Variants in ABHD17A observed in about 807,000 individuals in gnomAD.
The protein encoded by ABHD17A is alpha/beta hydrolase domain-containing protein 17A.
ABHD17A carries 10 observed loss-of-function variants against 26.8 expected under a neutral mutation model. The ratio of observed to expected loss-of-function variants is 0.37; its 90% CI spans 0.23 to 0.63. The LOEUF (loss-of-function observed/expected upper bound fraction) is 0.63, where lower values mean the gene tolerates loss of function less well. Ranked by LOEUF, ABHD17A falls within the 30% of genes least tolerant of loss-of-function variation. ABHD17A has a pLI of 0.61. For missense variants in ABHD17A, 292 were observed against 457.3 expected, an observed-to-expected ratio of 0.64 and a Z score of 3.30; for synonymous variants, 167 against 210.9, an observed-to-expected ratio of 0.79 and a Z score of 1.80.
intron 1 of ABHD17A, among the ~76,000 whole-genome samples, chr19:1,883,980 G>A (rs924664703): frequency 1.3e-5 from 2 of 151,898 alleles, no homozygotes; most frequent in African/African-American, 2.4e-5. Context: ...AAGCCAAATT[G>A]CCCCTTCCTG....
intron 2 of ABHD17A, 30 bp downstream of exon 2, chr19:1,881,205 C>A (rs770596670): frequency 6.2e-7 from 1 of 1,609,780 alleles, no homozygotes; most frequent in East Asian, 2.2e-5. Context: ...AACAGGGTGA[C>A]CCAGCCCAGG....
chr19:1,880,979 G>A lies in ABHD17A; in HGVS notation c.332+256C>T, dbSNP rs761180095. Reference sequence around the variant, plus strand: ...CCAGCAGGCAACCACCAGGCGCTGGGTTGTTGGAGTCGCCCAGCCTGCCCA... The same window carrying A: ...CCAGCAGGCAACCACCAGGCGCTGGATTGTTGGAGTCGCCCAGCCTGCCCA... On this transcript the variant is annotated intron_variant, in intron 2 of 4. Coordinates refer to ENST00000292577, the MANE Select transcript of ABHD17A (RefSeq NM_001130111.2). The surrounding 1 kb of genome is among the most constrained non-coding windows in gnomAD (Gnocchi z 4.1). 6.2e-6 allele frequency: 10 copies of A among 1,612,366 alleles called. No homozygotes were observed. The highest frequency in any genetic ancestry group is 8.5e-6 in the Non-Finnish European group (10 of 1,179,588).
intron 1 of ABHD17A, among the ~76,000 whole-genome samples, chr19:1,884,115 C>A (rs140453200): frequency 3.6e-4 from 55 of 152,310 alleles, no homozygotes; most frequent in Middle Eastern, 3.4e-3. Context: ...GGACCCCTTA[C>A]ACGCTCTTTC....
Position 1,880,632 on chromosome 19 carries a change from A to G in ABHD17A, c.333-517T>C, listed in dbSNP as rs1044709245. On this transcript the variant is annotated intron_variant, in intron 2 of 4. Transcript: ENST00000292577. The surrounding 1 kb of genome is among the most constrained non-coding windows in gnomAD (Gnocchi z 4.1). ...CACTGTTGGGGCACAACTGGACCCC[A>G]CCCCTGCCCCCAACAAGCAAATGCG... is the stretch of plus-strand genomic sequence containing the variant. Among the ~76,000 whole-genome samples, 25 of 151,594 alleles carry G rather than the reference A, an allele frequency of 1.6e-4. No individual in the cohort carries two copies. The highest frequency in any genetic ancestry group is 6.8e-3 in the Middle Eastern group (2 of 294).
In ABHD17A at chr19:1,880,679, T is replaced by C. The variant is rs1310196713; in HGVS notation, c.332+556A>G. Among the ~76,000 whole-genome samples, 2 of 152,116 alleles carry C rather than the reference T, an allele frequency of 1.3e-5. No individual in the cohort carries two copies. The highest frequency in any genetic ancestry group is 2.9e-5 in the Non-Finnish European group (2 of 68,016). On this transcript the variant is annotated intron_variant, in intron 2 of 4. Transcript: ENST00000292577. The surrounding 1 kb of genome is among the most constrained non-coding windows in gnomAD (Gnocchi z 4.1). ...TGCGGCCAATCTCTGCTCACACTCA[T>C]GCAGCCCCTCCTGGCCCACCACCCT...
At chr19:1,881,148 C>A in intron 2 of ABHD17A, 87 bp downstream of exon 2, 2 of 1,569,766 alleles carry the variant, frequency 1.3e-6, no homozygotes, top group South Asian at 1.2e-5. Context: ...CCCTCGGGGG[C>A]ACCACCAACC....
At position 1,880,187 on chromosome 19, in the gene ABHD17A, G is replaced by T. The variant is rs2145391800; in HGVS notation, c.333-72C>A. 6 of 1,543,502 alleles carry T rather than the reference G, an allele frequency of 3.9e-6. No homozygotes were observed. The highest frequency in any genetic ancestry group is 5.3e-6 in the Non-Finnish European group (6 of 1,130,618). ...CAGCTGCAGGGCAGGAGGATGCGTA[G>T]TGACAGCCCACCCCGGTGGCCAGCC... is the stretch of plus-strand genomic sequence containing the variant. On this transcript the variant is annotated intron_variant, in intron 2 of 4. Transcript: ENST00000292577. The surrounding 1 kb of genome is among the most constrained non-coding windows in gnomAD (Gnocchi z 4.1).
At position 1,876,964 on chromosome 19, in the gene ABHD17A, G is replaced by A. The variant is rs1002621982; in HGVS notation, c.*236C>T. 7.2e-6 allele frequency: 4 copies of A among 555,058 alleles called. No homozygotes were observed. The highest frequency in any genetic ancestry group is 1.3e-5 in the Non-Finnish European group (4 of 310,514). The allele number at this position is 555,058 out of a possible 1,614,324, so 34.4% of individuals were successfully genotyped here. On this transcript the variant is annotated 3_prime_UTR_variant, in exon 5 of 5. Transcript: ENST00000292577. ...AGAGTGAGCAGAGCCATGAAAGGAA[G>A]GAGAGCAGCCCTAAAATTTTAAATC...
chr19:1,883,649 T>A (rs989069880), intron 1 of ABHD17A: 2 of 152,472 alleles, frequency 1.3e-5, no homozygotes, highest in Non-Finnish European at 2.9e-5. Context: ...AGCCGGTCCA[T>A]CACCAGCCCG....
intron 1 of ABHD17A, chr19:1,883,293 C>T (rs2012591265): frequency 6.6e-6 from 1 of 152,288 alleles, no homozygotes; most frequent in Non-Finnish European, 1.5e-5. Context: ...TGGGTGTCAC[C>T]ACTGGGGACT....
Position 1,881,685 on chromosome 19 carries a change from C to A in ABHD17A, c.-119G>T. 2.2e-6 allele frequency: 3 copies of A among 1,357,720 alleles called. No homozygotes were observed. The highest frequency in any genetic ancestry group is 2.8e-6 in the Non-Finnish European group (3 of 1,054,210). The allele number at this position is 1,357,720 out of a possible 1,614,324, so 84.1% of individuals were successfully genotyped here. On this transcript the variant is annotated 5_prime_UTR_variant, in exon 2 of 5. Transcript: ENST00000292577. Reference sequence around the variant, plus strand: ...TCGCGGGCAGGGGGGAGAGCGCCCCCCCAGCTACCGCCCCAGACAGCAGCC... The same window carrying A: ...TCGCGGGCAGGGGGGAGAGCGCCCCACCAGCTACCGCCCCAGACAGCAGCC...
In ABHD17A at chr19:1,881,658, A is replaced by G. The variant is rs2012540110; in HGVS notation, c.-92T>C. 1.4e-6 allele frequency: 2 copies of G among 1,393,774 alleles called. No individual in the cohort carries two copies. Among genetic ancestry groups the G allele is most frequent in the Middle Eastern group, 5.4e-4 (2 of 3,738 alleles). 86.3% of individuals were successfully genotyped at this position (1,393,774 alleles called of 1,614,324 possible). A position where few individuals can be genotyped will look rare whatever the true frequency, so the allele number is the denominator to read the frequency against. On this transcript the variant is annotated 5_prime_UTR_variant, in exon 2 of 5. Transcript: ENST00000292577. Reference sequence around the variant, plus strand: ...GCAGGGGAGGGGTGGGGGTGCTCCGAGTCGCGGGCAGGGGGGAGAGCGCCC... The same window carrying G: ...GCAGGGGAGGGGTGGGGGTGCTCCGGGTCGCGGGCAGGGGGGAGAGCGCCC...
intron 1 of ABHD17A, chr19:1,882,814 G>C (rs752882219): frequency 5.3e-5 from 8 of 152,036 alleles, no homozygotes; most frequent in Non-Finnish European, 7.4e-5. Context: ...AGACTGGAGC[G>C]AGGAGAGAGA....
intron 3 of ABHD17A, chr19:1,878,287 C>T (rs1411575023): frequency 6.5e-6 from 1 of 153,036 alleles, no homozygotes; most frequent in Admixed American, 6.5e-5. Flanking sequence ...GAGGTGGCAC[C>T]CCCTCCCACC....
In ABHD17A at chr19:1,881,416, C is replaced by T. The variant is rs754676291; in HGVS notation, c.151G>A (p.Ala51Thr). Reference protein sequence around the residue: ...PEPGPGGAGAAPLGTLRASSG... With the variant: ...PEPGPGGAGATPLGTLRASSG... Reference sequence around the variant, plus strand: ...GAGGCTCTCAGGGTCCCCAAGGGGGCGGCCCCGGCCCCACCAGGCCCCGGC... The same window carrying T: ...GAGGCTCTCAGGGTCCCCAAGGGGGTGGCCCCGGCCCCACCAGGCCCCGGC... The change falls in exon 2 of 5, where the codon GCC (alanine) becomes ACC (threonine). Residue 51 changes from alanine to threonine, a missense_variant. This residue lies in a region of ABHD17A where 171 missense variants were observed against 216.1 expected (regional missense o/e 0.79). Coordinates refer to ENST00000292577, the MANE Select transcript of ABHD17A (RefSeq NM_001130111.2). 25 of 1,601,828 alleles carry T rather than the reference C, an allele frequency of 1.6e-5. No homozygotes were observed. The highest frequency in any genetic ancestry group is 9.9e-5 in the South Asian group (9 of 90,838).
intron 1 of ABHD17A, among the ~76,000 whole-genome samples, chr19:1,884,922 C>A (rs2012636052): frequency 6.6e-6 from 1 of 152,202 alleles, no homozygotes; most frequent in Non-Finnish European, 1.5e-5. Flanking sequence ...GCCCAGGAGT[C>A]AGGGTGGCAG....
At position 1,880,149 on chromosome 19, in the gene ABHD17A, C is replaced by CGCTCCCA; in HGVS notation, c.333-41_333-35dup. 6.2e-7 allele frequency: 1 copy of CGCTCCCA among 1,608,296 alleles called. No individual in the cohort carries two copies. The highest frequency in any genetic ancestry group is 1.3e-5 in the African/African-American group (1 of 74,940). ...GGCCGAGAAGGGCCGTTCACATCCT[C>CGCTCCCA]GCTCCCAGCGCCCAGCTGCAGGGCA... On this transcript the variant is annotated intron_variant, in intron 2 of 4. Coordinates refer to ENST00000292577, the MANE Select transcript of ABHD17A (RefSeq NM_001130111.2). The surrounding 1 kb of genome is among the most constrained non-coding windows in gnomAD (Gnocchi z 4.1).
chr19:1,880,978 G>C lies in ABHD17A; in HGVS notation c.332+257C>G, dbSNP rs776285065. The C allele has an allele frequency of 6.2e-7, 1 of 1,612,512 alleles. No homozygotes were observed. Among genetic ancestry groups the C allele is most frequent in the East Asian group, 2.2e-5 (1 of 44,880 alleles). On this transcript the variant is annotated intron_variant, in intron 2 of 4. Transcript: ENST00000292577. This position sits in a 1 kb window ranked among gnomAD's most constrained non-coding sequence, Gnocchi z 4.1. ...CCCAGCAGGCAACCACCAGGCGCTG[G>C]GTTGTTGGAGTCGCCCAGCCTGCCC...
rs114561056 is a variant in ABHD17A at position 1,880,202 on chromosome 19, G to C, written c.333-87C>G. Reference sequence around the variant, plus strand: ...AGGATGCGTAGTGACAGCCCACCCCGGTGGCCAGCCATGCCCAGTGCCTCA... The same window carrying C: ...AGGATGCGTAGTGACAGCCCACCCCCGTGGCCAGCCATGCCCAGTGCCTCA... On this transcript the variant is annotated intron_variant, in intron 2 of 4. Transcript: ENST00000292577. This position sits in a 1 kb window ranked among gnomAD's most constrained non-coding sequence, Gnocchi z 4.1. 5 of 1,454,928 alleles carry C rather than the reference G, an allele frequency of 3.4e-6. No homozygotes were observed. The Admixed American group carries it at 5.8e-5, about 17-fold the overall frequency. 90.1% of individuals were successfully genotyped at this position (1,454,928 alleles called of 1,614,324 possible).
Sources: allele counts gnomAD v4.1 joint callset (sites outside exome capture counted in the v4.1 genomes callset), GRCh38; gene constraint gnomAD v4.1.1; regional missense constraint gnomAD v4.1.1; non-coding constraint Gnocchi (gnomAD v3.1); transcripts MANE v1.5; gene names NCBI Gene and HGNC (gene_info 2026-07-23, HGNC 2026-07-21).